FNBP1L: variants seen among roughly 807,000 people sequenced by gnomAD.
The protein encoded by FNBP1L is formin-binding protein 1-like.
A neutral mutation model predicts 91.2 loss-of-function variants in FNBP1L; 36 were observed. That is an observed-to-expected ratio of 0.39 (90% CI 0.30 to 0.52). The LOEUF (loss-of-function observed/expected upper bound fraction) is 0.52. Among genes scored for constraint, FNBP1L ranks in the 20% least tolerant of loss-of-function variants. FNBP1L has a pLI of 0.66. For missense variants in FNBP1L, 571 were observed against 732.1 expected, an observed-to-expected ratio of 0.78 and a Z score of 2.54; for synonymous variants, 242 against 237.0, an observed-to-expected ratio of 1.02 and a Z score of -0.19.
intron 1 of FNBP1L, among the ~76,000 whole-genome samples, chr1:93,450,009 G>A (rs1053895418): frequency 2.0e-5 from 3 of 152,038 alleles, no homozygotes; most frequent in Non-Finnish European, 4.4e-5. Context: ...AAACTAAAAT[G>A]TAAGTAGAAT....
chr1:93,473,194 T>C (rs1669366639), intron 1 of FNBP1L, among the ~76,000 whole-genome samples: 1 of 152,152 alleles, frequency 6.6e-6, no homozygotes, highest in Non-Finnish European at 1.5e-5. Context: ...GATGGAAGTG[T>C]AAAGTAATTA....
At chr1:93,483,394 C>T (rs111766631) in intron 1 of FNBP1L, among the ~76,000 whole-genome samples, 2 of 152,136 alleles carry the variant, frequency 1.3e-5, no homozygotes, top group African/African-American at 4.8e-5. Context: ...CAGTGCCTCC[C>T]ACCAGTATTA....
Position 93,553,974 on chromosome 1 carries a change from T to C in FNBP1L, c.*1558T>C, listed in dbSNP as rs1448388788. 2.0e-5 allele frequency: 3 copies of C among 152,626 alleles called. No homozygotes were observed. Among genetic ancestry groups the C allele is most frequent in the Non-Finnish European group, 4.4e-5 (3 of 68,038 alleles). The allele number at this position is 152,626 out of a possible 1,614,324, so 9.5% of individuals were successfully genotyped here. Reference sequence around the variant, plus strand: ...AGCTGTGTGACTGCTTTAATAACTTTTTCCCAGTGTTATTTGAATCATACT... The same window carrying C: ...AGCTGTGTGACTGCTTTAATAACTTCTTCCCAGTGTTATTTGAATCATACT... On this transcript the variant is annotated 3_prime_UTR_variant, in exon 17 of 17. Transcript: ENST00000271234.
chr1:93,530,100 A>C (rs1047706042), intron 6 of FNBP1L, among the ~76,000 whole-genome samples: 1 of 152,128 alleles, frequency 6.6e-6, no homozygotes, highest in African/African-American at 2.4e-5. Context: ...GACTTTGTAC[A>C]AGAGATCAAG....
rs757135484 is a variant in FNBP1L, at chr1:93,524,296, T to G, written c.378T>G (p.Leu126=). ...LQEGRKAQQY[L]DMCWKQMDNS... ...AAGGACGAAAAGCTCAACAATATCT[T>G]GACATGTGCTGGAAACAGATGGATA... Residue 126 remains leucine (L), a synonymous_variant, in exon 5 of 17, where the codon CTT becomes CTG. Coordinates refer to ENST00000271234, the MANE Select transcript of FNBP1L (RefSeq NM_001164473.3). The G allele has an allele frequency of 4.0e-5, 60 of 1,513,206 alleles. No homozygotes were observed. In the South Asian group the frequency reaches 5.2e-4, roughly 13 times the overall value. 93.7% of individuals were successfully genotyped at this position (1,513,206 alleles called of 1,614,324 possible). A position where few individuals can be genotyped will look rare whatever the true frequency, so the allele number is the denominator to read the frequency against.
chr1:93,515,301 T>G (rs1156943261), intron 2 of FNBP1L, among the ~76,000 whole-genome samples: 1 of 151,294 alleles, frequency 6.6e-6, no homozygotes. Flanking sequence ...ATAGGAACAC[T>G]TTTACACTGT....
chr1:93,541,775 G>A (rs890562245), intron 11 of FNBP1L, among the ~76,000 whole-genome samples: 1 of 152,080 alleles, frequency 6.6e-6, no homozygotes, highest in African/African-American at 2.4e-5. Context: ...TAGTAAGAGA[G>A]GTTGTTAAAT....
chr1:93,552,227 GT>G, intron 16 of FNBP1L, 181 bp from the exon 17 acceptor site: 5 of 1,387,354 alleles, frequency 3.6e-6, no homozygotes, highest in Non-Finnish European at 4.7e-6. Context: ...GGGAAGTAAA[GT>G]GTGAAGAAGC....
chr1:93,514,671 G>C (rs1014447535), intron 2 of FNBP1L, among the ~76,000 whole-genome samples: 3 of 152,116 alleles, frequency 2.0e-5, no homozygotes, highest in African/African-American at 7.2e-5. Context: ...TTGGGGAAAG[G>C]ATTCCCTATT....
chr1:93,449,058 G>A (rs911590700), intron 1 of FNBP1L, among the ~76,000 whole-genome samples: 7 of 152,344 alleles, frequency 4.6e-5, no homozygotes, highest in South Asian at 4.1e-4. Context: ...AGGAGCGTAC[G>A]GTCTCCCTGT....
intron 1 of FNBP1L, among the ~76,000 whole-genome samples, chr1:93,476,390 A>G (rs1669495319): frequency 6.6e-6 from 1 of 152,194 alleles, no homozygotes; most frequent in East Asian, 1.9e-4. Context: ...AAATGAGATA[A>G]TATATAAAAG....
intron 2 of FNBP1L, among the ~76,000 whole-genome samples, chr1:93,509,193 A>T (rs1670733545): frequency 6.6e-6 from 1 of 152,218 alleles, no homozygotes; most frequent in Non-Finnish European, 1.5e-5. Context: ...GACTAAACAT[A>T]ACTAAACATT....
At chr1:93,534,646 A>C (rs1449320493) in intron 8 of FNBP1L, 59 bp from the exon 9 acceptor site, 1 of 1,151,862 alleles carries the variant, frequency 8.7e-7, no homozygotes, top group African/African-American at 1.6e-5. Context: ...AAGTTATGAA[A>C]GCTGATGTAG....
intron 1 of FNBP1L, among the ~76,000 whole-genome samples, chr1:93,465,747 A>T (rs201896456): frequency 1.3e-5 from 2 of 152,144 alleles, no homozygotes; most frequent in African/African-American, 4.8e-5. Flanking sequence ...TCAAATGGTA[A>T]TTCTAGTTCT....
intron 1 of FNBP1L, among the ~76,000 whole-genome samples, chr1:93,496,358 A>T (rs1670260597): frequency 6.6e-6 from 1 of 151,126 alleles, no homozygotes; most frequent in African/African-American, 2.4e-5. Flanking sequence ...GACTCAAGGG[A>T]TCCTCCCACC....
At chr1:93,455,820 A>G (rs1349257859) in intron 1 of FNBP1L, among the ~76,000 whole-genome samples, 2 of 152,284 alleles carry the variant, frequency 1.3e-5, no homozygotes, top group African/African-American at 4.8e-5. Flanking sequence ...TTAGTGTTAC[A>G]GATAATTTTA....
chr1:93,472,788 G>C (rs1669339009), intron 1 of FNBP1L, among the ~76,000 whole-genome samples: 1 of 112,192 alleles, frequency 8.9e-6, no homozygotes, highest in African/African-American at 3.5e-5. Context: ...CTCCAGCCTG[G>C]GCGACAGAGC....
chr1:93,464,433 G>C (rs879067504), intron 1 of FNBP1L, among the ~76,000 whole-genome samples: 2 of 152,000 alleles, frequency 1.3e-5, no homozygotes, highest in East Asian at 3.9e-4. Context: ...TATGTCTCTG[G>C]AATCCCAGTT....
intron 16 of FNBP1L, chr1:93,552,037 A>G (rs1160352587): frequency 2.9e-6 from 3 of 1,021,316 alleles, no homozygotes; most frequent in South Asian, 4.6e-5. Flanking sequence ...CTTTTTGACT[A>G]TCTGGGTTAG....
Sources: allele counts gnomAD v4.1 joint callset (sites outside exome capture counted in the v4.1 genomes callset), GRCh38; gene constraint gnomAD v4.1.1; transcripts MANE v1.5; gene names NCBI Gene and HGNC (gene_info 2026-07-23, HGNC 2026-07-21).